Variants in GRID2 observed in about 807,000 individuals in gnomAD.
GRID2 encodes the protein glutamate receptor ionotropic, delta-2.
In GRID2, 33 loss-of-function variants were observed where a neutral mutation model predicts 114.8. That is an observed-to-expected ratio of 0.29 (90% CI 0.22 to 0.38). The LOEUF (loss-of-function observed/expected upper bound fraction) is 0.38, where lower values mean the gene tolerates loss of function less well. Among genes scored for constraint, GRID2 ranks in the 10% least tolerant of loss-of-function variants. GRID2 has a pLI of 1.00. For synonymous variants in GRID2, 505 were observed against 449.9 expected (o/e 1.12, Z -1.55); for missense variants, 1,184 against 1,257.7 (o/e 0.94, Z 0.89).
intron 8 of GRID2, among the ~76,000 whole-genome samples, chr4:93,321,632 A>G (rs1463327844): frequency 6.6e-6 from 1 of 152,042 alleles, no homozygotes; most frequent in African/African-American, 2.4e-5. Context: ...AACCTAATAT[A>G]TTCTTACCTC....
intron 8 of GRID2, among the ~76,000 whole-genome samples, chr4:93,372,346 A>C (rs1763007913): frequency 7.0e-6 from 1 of 143,370 alleles, no homozygotes; most frequent in Non-Finnish European, 1.5e-5. Context: ...CTACATATGC[A>C]CAAATGACAG....
chr4:93,245,652 C>T (rs1412812574), intron 8 of GRID2, among the ~76,000 whole-genome samples: 2 of 152,170 alleles, frequency 1.3e-5, no homozygotes, highest in Non-Finnish European at 2.9e-5. Context: ...GTAGCCTTTG[C>T]TGTTAGACAT....
Position 93,463,976 on chromosome 4 carries a change from A to G in GRID2, c.1858+8002A>G, listed in dbSNP as rs567664120. ...TGCACTCCAGCCTGGGCGACACAGC[A>G]AGACTCCATCTCAAAAACAAAAACA... On this transcript the variant is annotated intron_variant, in intron 11 of 15. Coordinates refer to ENST00000282020, the MANE Select transcript of GRID2 (RefSeq NM_001510.4). 3.7e-4 allele frequency among the ~76,000 whole-genome samples: 56 copies of G among 152,150 alleles called. 1 individual carries two copies. The highest frequency in any genetic ancestry group is 1.5e-3 in the South Asian group (7 of 4,820).
rs558680977 is a variant in GRID2, at chr4:93,052,625, C to T, written c.245-32370C>T. On this transcript the variant is annotated intron_variant, in intron 2 of 15. Coordinates refer to ENST00000282020, the MANE Select transcript of GRID2 (RefSeq NM_001510.4). Reference sequence around the variant, plus strand: ...GTAAAAATACAGTATTACAATGTTACGGGTCAACCACTATCAGAAATGTCA... The same window carrying T: ...GTAAAAATACAGTATTACAATGTTATGGGTCAACCACTATCAGAAATGTCA... Among the ~76,000 whole-genome samples the T allele has an allele frequency of 5.9e-5, 9 of 151,938 alleles. No individual in the cohort carries two copies. The East Asian group carries it at 7.7e-4, about 13-fold the overall frequency.
chr4:92,548,090 G>A (rs1164668515), intron 1 of GRID2, among the ~76,000 whole-genome samples: 2 of 151,858 alleles, frequency 1.3e-5, no homozygotes, highest in Non-Finnish European at 2.9e-5. Flanking sequence ...AGGACAATTT[G>A]GAATAATATA....
At chr4:92,413,093 A>G (rs573366340) in intron 1 of GRID2, among the ~76,000 whole-genome samples, 6 of 152,326 alleles carry the variant, frequency 3.9e-5, no homozygotes, top group Non-Finnish European at 8.8e-5. Context: ...CAGTTTTATT[A>G]CATGGATATA....
chr4:93,730,562 C>A (rs1295596726), intron 14 of GRID2, among the ~76,000 whole-genome samples: 1 of 152,178 alleles, frequency 6.6e-6, no homozygotes, highest in Admixed American at 6.5e-5. Flanking sequence ...CATTGGCTCC[C>A]CCCAATCCCA....
At chr4:92,883,348 T>C (rs1350225953) in intron 2 of GRID2, among the ~76,000 whole-genome samples, 5 of 152,194 alleles carry the variant, frequency 3.3e-5, no homozygotes, top group African/African-American at 1.2e-4. Context: ...CCACAGTTAT[T>C]TTCTCCACTG....
intron 2 of GRID2, among the ~76,000 whole-genome samples, chr4:93,061,196 G>GTTT (rs752045329): frequency 0.062 from 7,003 of 112,668 alleles, 656 homozygotes; most frequent in African/African-American, 0.17. Flanking sequence ...GGTTTTTCTT[G>GTTT]TTTTTTTTTT....
intron 1 of GRID2, among the ~76,000 whole-genome samples, chr4:92,562,282 T>C (rs182352609): frequency 1.8e-4 from 28 of 152,306 alleles, no homozygotes; most frequent in Admixed American, 1.7e-3. Context: ...CTAAGTGCCA[T>C]AGATAAAATT....
At chr4:92,745,234 A>T (rs1264572987) in intron 2 of GRID2, among the ~76,000 whole-genome samples, 1 of 152,196 alleles carries the variant, frequency 6.6e-6, no homozygotes, top group Non-Finnish European at 1.5e-5. Flanking sequence ...AAGTTAAGTG[A>T]TACTTCTTAT....
At chr4:92,587,725 T>C (rs1353390909) in intron 1 of GRID2, among the ~76,000 whole-genome samples, 1 of 152,216 alleles carries the variant, frequency 6.6e-6, no homozygotes, top group Non-Finnish European at 1.5e-5. Context: ...TATATCTTAA[T>C]TCTGCAAAGG....
At chr4:92,363,418 G>A (rs565451173) in intron 1 of GRID2, among the ~76,000 whole-genome samples, 5 of 151,920 alleles carry the variant, frequency 3.3e-5, no homozygotes, top group East Asian at 3.9e-4. Flanking sequence ...CACCTTTAGC[G>A]TTTTAGTTAA....
intron 2 of GRID2, among the ~76,000 whole-genome samples, chr4:92,815,914 C>CAAA (rs5860292): frequency 1.9e-4 from 9 of 46,866 alleles, no homozygotes; most frequent in East Asian, 8.0e-4. Context: ...GACCCTGTCT[C>CAAA]AAAAAAAAAA....
At chr4:92,854,135 G>T (rs916286853) in intron 2 of GRID2, among the ~76,000 whole-genome samples, 3 of 151,804 alleles carry the variant, frequency 2.0e-5, no homozygotes, top group Non-Finnish European at 4.4e-5. Flanking sequence ...AATACAAGGG[G>T]TGGTCTGGGC....
intron 14 of GRID2, among the ~76,000 whole-genome samples, chr4:93,742,008 C>G (rs1423934827): frequency 6.6e-6 from 1 of 151,570 alleles, no homozygotes. Flanking sequence ...CTAACTATGG[C>G]CAAATCTAGG....
At chr4:93,305,840 A>T (rs775401643) in intron 8 of GRID2, among the ~76,000 whole-genome samples, 1 of 150,658 alleles carries the variant, frequency 6.6e-6, no homozygotes, top group African/African-American at 2.5e-5. Context: ...TGCCTTGGAC[A>T]TAATACATCT....
At chr4:92,514,527 A>C (rs898009674) in intron 1 of GRID2, among the ~76,000 whole-genome samples, 3 of 151,880 alleles carry the variant, frequency 2.0e-5, no homozygotes, top group Admixed American at 6.6e-5. Flanking sequence ...ATGTTACTAT[A>C]CTCAGTCAAG....
At chr4:92,337,718 C>T (rs1290817548) in intron 1 of GRID2, among the ~76,000 whole-genome samples, 7 of 152,166 alleles carry the variant, frequency 4.6e-5, no homozygotes, top group Non-Finnish European at 8.8e-5. Flanking sequence ...AGTCACCTCC[C>T]ACCAGGTCTC....
Sources: allele counts gnomAD v4.1 joint callset (sites outside exome capture counted in the v4.1 genomes callset), GRCh38; gene constraint gnomAD v4.1.1; transcripts MANE v1.5; gene names NCBI Gene and HGNC (gene_info 2026-07-23, HGNC 2026-07-21).